Variants in RALYL observed in about 807,000 individuals in gnomAD.
RALYL encodes the protein RNA-binding Raly-like protein.
RALYL carries 29 observed loss-of-function variants against 35.1 expected under a neutral mutation model. That is an observed-to-expected ratio of 0.83 (90% CI 0.61 to 1.13). The LOEUF (loss-of-function observed/expected upper bound fraction) is 1.13. Ranked by LOEUF, RALYL falls within the 50% of genes most tolerant of loss-of-function variation. RALYL has a pLI of 0.00. For synonymous variants in RALYL, 120 were observed against 127.6 expected (o/e 0.94, Z 0.40); for missense variants, 359 against 360.4 (o/e 1.00, Z 0.03).
chr8:84,278,247 A>G (rs960266723), intron 1 of RALYL, among the ~76,000 whole-genome samples: 2 of 152,234 alleles, frequency 1.3e-5, no homozygotes, highest in Non-Finnish European at 2.9e-5. Flanking sequence ...CCCTCTGAGC[A>G]ATGGCCTGAG....
intron 2 of RALYL, among the ~76,000 whole-genome samples, chr8:84,557,711 A>C (rs2061224481): frequency 6.6e-6 from 1 of 152,150 alleles, no homozygotes; most frequent in Non-Finnish European, 1.5e-5. Flanking sequence ...TTTATTCTAG[A>C]GTATTTAGAA....
In RALYL at chr8:84,638,871, AATAT is replaced by A. The variant is rs71273908; in HGVS notation, c.256+109341_256+109344del. ...AATACGAGTATCTAATGCACGCATAAATATATATATATATATATATATATATATA... is the reference window on the plus strand; with the variant it reads ...AATACGAGTATCTAATGCACGCATAAATATATATATATATATATATATATA... On this transcript the variant is annotated intron_variant, in intron 2 of 8. Coordinates refer to ENST00000521268, the MANE Select transcript of RALYL (RefSeq NM_173848.7). 1.0e-2 allele frequency among the ~76,000 whole-genome samples: 851 copies of A among 85,286 alleles called. 3 individuals carry two copies. The highest frequency in any genetic ancestry group is 0.022 in the Middle Eastern group (4 of 180). 56.0% of individuals were successfully genotyped at this position (85,286 alleles called of 152,430 possible). A position where few individuals can be genotyped will look rare whatever the true frequency, so the allele number is the denominator to read the frequency against.
At chr8:84,733,807 C>T (rs565926618) in intron 2 of RALYL, among the ~76,000 whole-genome samples, 23 of 152,250 alleles carry the variant, frequency 1.5e-4, no homozygotes, top group African/African-American at 5.3e-4. Context: ...TGGTGGTTAG[C>T]ATTGCTACTG....
At chr8:84,186,156 G>A (rs1273968448) in intron 1 of RALYL, among the ~76,000 whole-genome samples, 4 of 152,150 alleles carry the variant, frequency 2.6e-5, no homozygotes, top group African/African-American at 7.2e-5. Context: ...AAAGAAGATA[G>A]TTTATGTCAC....
At chr8:84,586,929 TG>T (rs1312590287) in intron 2 of RALYL, among the ~76,000 whole-genome samples, 2 of 152,154 alleles carry the variant, frequency 1.3e-5, no homozygotes, top group African/African-American at 4.8e-5. Context: ...TCATTTTTTC[TG>T]GGTCAAAGAG....
At chr8:84,741,729 T>C (rs757788987) in intron 2 of RALYL, among the ~76,000 whole-genome samples, 2 of 152,018 alleles carry the variant, frequency 1.3e-5, no homozygotes, top group Non-Finnish European at 2.9e-5. Flanking sequence ...ATATTTATAA[T>C]TTACAGAAGA....
At chr8:84,561,590 G>T (rs929471227) in intron 2 of RALYL, among the ~76,000 whole-genome samples, 3 of 151,954 alleles carry the variant, frequency 2.0e-5, no homozygotes, top group South Asian at 4.2e-4. Context: ...TAATAAAATA[G>T]AACAATTATA....
chr8:84,575,781 GA>G (rs1809246994), intron 2 of RALYL, among the ~76,000 whole-genome samples: 1 of 152,070 alleles, frequency 6.6e-6, no homozygotes. Context: ...CTGCTGTGGA[GA>G]CAGAAAGTGA....
At chr8:84,675,465 G>A in intron 2 of RALYL, among the ~76,000 whole-genome samples, 1 of 151,986 alleles carries the variant, frequency 6.6e-6, no homozygotes, top group East Asian at 1.9e-4. Flanking sequence ...CCAAATATTA[G>A]TTTAAAATTT....
chr8:84,651,216 T>C (rs1003988310), intron 2 of RALYL, among the ~76,000 whole-genome samples: 4 of 151,676 alleles, frequency 2.6e-5, no homozygotes, highest in African/African-American at 9.7e-5. Context: ...AAACTTAAAG[T>C]ATAATAATAA....
At chr8:84,242,024 C>T (rs1828031878) in intron 1 of RALYL, among the ~76,000 whole-genome samples, 1 of 152,078 alleles carries the variant, frequency 6.6e-6, no homozygotes, top group South Asian at 2.1e-4. Context: ...CCCCAACAGG[C>T]CCTAGTGTGT....
intron 1 of RALYL, among the ~76,000 whole-genome samples, chr8:84,341,591 A>G (rs1382993901): frequency 6.6e-6 from 1 of 152,054 alleles, no homozygotes; most frequent in Non-Finnish European, 1.5e-5. Context: ...ACTAATTTAA[A>G]TTGCCCTTGA....
At position 84,804,806 on chromosome 8, in the gene RALYL, A is replaced by G; in HGVS notation, c.365+4A>G. On this transcript the variant is annotated splice_donor_region_variant and intron_variant, in intron 4 of 8. Coordinates refer to ENST00000521268, the MANE Select transcript of RALYL (RefSeq NM_173848.7). Reference sequence around the variant, plus strand: ...AGGAACCTTTCCTGTCTGTTGGGTAAGTATATATTTAAATACTTTAAGTAT... The same window carrying G: ...AGGAACCTTTCCTGTCTGTTGGGTAGGTATATATTTAAATACTTTAAGTAT... 1.8e-6 allele frequency: 2 copies of G among 1,124,646 alleles called. No individual in the cohort carries two copies. The highest frequency in any genetic ancestry group is 2.4e-5 in the South Asian group (1 of 41,502). 69.7% of individuals were successfully genotyped at this position (1,124,646 alleles called of 1,614,324 possible).
At chr8:84,619,231 G>A (rs1820647744) in intron 2 of RALYL, among the ~76,000 whole-genome samples, 1 of 151,782 alleles carries the variant, frequency 6.6e-6, no homozygotes, top group Admixed American at 6.6e-5. Context: ...GGCAGTCCAA[G>A]TCTCTTTGTA....
intron 2 of RALYL, among the ~76,000 whole-genome samples, chr8:84,548,134 T>G (rs1221195183): frequency 6.6e-6 from 1 of 152,190 alleles, no homozygotes; most frequent in Non-Finnish European, 1.5e-5. Context: ...CTTTGCTAAC[T>G]TCTACGTTTA....
intron 2 of RALYL, among the ~76,000 whole-genome samples, chr8:84,621,509 T>C (rs1437839374): frequency 6.6e-6 from 1 of 152,110 alleles, no homozygotes; most frequent in African/African-American, 2.4e-5. Flanking sequence ...CACTCCCTAG[T>C]GAGATGAACC....
intron 8 of RALYL, among the ~76,000 whole-genome samples, chr8:84,889,217 T>A (rs1301007091): frequency 1.3e-5 from 2 of 152,174 alleles, no homozygotes; most frequent in Non-Finnish European, 2.9e-5. Flanking sequence ...AGCTTCTCCT[T>A]AGGCAGGACT....
chr8:84,420,331 G>A (rs1469761619), intron 1 of RALYL, among the ~76,000 whole-genome samples: 5 of 152,090 alleles, frequency 3.3e-5, no homozygotes, highest in Admixed American at 3.3e-4. Flanking sequence ...TTTTTTGGCT[G>A]CATAAATGTC....
chr8:84,469,163 C>T (rs545648030), intron 1 of RALYL, among the ~76,000 whole-genome samples: 49 of 152,332 alleles, frequency 3.2e-4, no homozygotes, highest in Non-Finnish European at 2.9e-5. Context: ...ATTCTCCATC[C>T]AGTTTTGTTC....
Sources: allele counts gnomAD v4.1 joint callset (sites outside exome capture counted in the v4.1 genomes callset), GRCh38; gene constraint gnomAD v4.1.1; transcripts MANE v1.5; gene names NCBI Gene and HGNC (gene_info 2026-07-23, HGNC 2026-07-21).